Variants in PDLIM3 observed in about 807,000 individuals in gnomAD.
PDLIM3 encodes the protein PDZ and LIM domain protein 3.
PDLIM3 carries 36 observed loss-of-function variants against 37.3 expected under a neutral mutation model. The ratio of observed to expected loss-of-function variants is 0.97; its 90% CI spans 0.74 to 1.28. PDLIM3 has a LOEUF of 1.28. PDLIM3 is among the 50% of genes most tolerant of loss of function. The pLI, the probability that PDLIM3 is intolerant of heterozygous loss-of-function variation, is 0.00. For synonymous variants in PDLIM3, 174 were observed against 182.4 expected (o/e 0.95, Z 0.37); for missense variants, 454 against 485.0 (o/e 0.94, Z 0.60).
chr4:185,512,820 T>C, intron 4 of PDLIM3: 1 of 985,092 alleles, frequency 1.0e-6, no homozygotes, highest in African/African-American at 1.7e-5. Context: ...AAATCCAGTG[T>C]TTTGTTATTG....
intron 1 of PDLIM3, among the ~76,000 whole-genome samples, chr4:185,534,394 C>T (rs904062889): frequency 1.3e-5 from 2 of 152,032 alleles, no homozygotes; most frequent in African/African-American, 4.8e-5. Flanking sequence ...TGGAAGTTTA[C>T]GCCTTTAGGT....
At chr4:185,525,653 T>C (rs2095732563) in intron 1 of PDLIM3, among the ~76,000 whole-genome samples, 1 of 152,166 alleles carries the variant, frequency 6.6e-6, no homozygotes, top group Admixed American at 6.5e-5. Flanking sequence ...ACTCAAATGT[T>C]GAAATCCTAA....
intron 4 of PDLIM3, among the ~76,000 whole-genome samples, chr4:185,508,930 C>T (rs2095702441): frequency 6.6e-6 from 1 of 152,190 alleles, no homozygotes; most frequent in Non-Finnish European, 1.5e-5. Flanking sequence ...TAAAACTGGT[C>T]AATATCACAA....
At chr4:185,525,254 G>T in intron 1 of PDLIM3, 83 bp from the exon 2 acceptor site, 1 of 1,363,548 alleles carries the variant, frequency 7.3e-7, no homozygotes, top group Admixed American at 1.7e-5. Flanking sequence ...TTTCAGCCTG[G>T]TAACATTTTA....
chr4:185,513,139 G>A, intron 4 of PDLIM3: 1 of 983,510 alleles, frequency 1.0e-6, no homozygotes, highest in Non-Finnish European at 1.2e-6. Flanking sequence ...GAGCCAGTCA[G>A]ACCAGGCCCC....
intron 3 of PDLIM3, among the ~76,000 whole-genome samples, chr4:185,519,566 C>T (rs1351747832): frequency 1.3e-5 from 2 of 152,136 alleles, no homozygotes; most frequent in African/African-American, 4.8e-5. Context: ...GGACTACAGG[C>T]GTGAGCCACC....
chr4:185,502,470 T>C lies in PDLIM3; in HGVS notation c.919A>G (p.Lys307Glu). ...GGGTGCCGGTACTTATCCCGCGCCT[T>C]CACCACAGCACCGCTGTTGGGGAAG... Reference protein sequence around the residue: ...CGSGIVGAVVKARDKYRHPEC... With the variant: ...CGSGIVGAVVEARDKYRHPEC... The change falls in exon 8 of 8, where the codon AAG becomes GAG. Residue 307 changes from lysine to glutamate, a missense_variant. Physicochemically the swap from Lys to Glu is moderately conservative, Grantham distance 56. Coordinates refer to ENST00000284767, the MANE Select transcript of PDLIM3 (RefSeq NM_014476.6). 1 of 1,614,102 alleles carries C rather than the reference T, an allele frequency of 6.2e-7. No homozygotes were observed. The highest frequency in any genetic ancestry group is 1.1e-5 in the South Asian group (1 of 91,074).
In PDLIM3 at chr4:185,502,254, C is replaced by CGTGG. The variant is rs746822252; in HGVS notation, c.*36_*39dup. 1.5e-5 allele frequency: 24 copies of CGTGG among 1,593,478 alleles called. No individual in the cohort carries two copies. Among genetic ancestry groups the CGTGG allele is most frequent in the South Asian group, 4.4e-5 (4 of 90,678 alleles). On this transcript the variant is annotated 3_prime_UTR_variant, in exon 8 of 8. Transcript: ENST00000284767. ...ATGAATGTCTTCTCGTGTAAGTGCG[C>CGTGG]GTGGGTGGGTGCGTGCGTGCGTGCC...
Position 185,501,155 on chromosome 4 carries a change from G to A in PDLIM3, c.*1139C>T, listed in dbSNP as rs1003269942. The stretch of plus-strand genomic sequence containing the variant: ...CCTGCAAGGTAGGCTGCCTGCGCCA[G>A]GGCCAGGCAGAGTGCATGTCTCAGA... On this transcript the variant is annotated 3_prime_UTR_variant, in exon 8 of 8. Coordinates refer to ENST00000284767, the MANE Select transcript of PDLIM3 (RefSeq NM_014476.6). 8 of 152,300 alleles carry A rather than the reference G, an allele frequency of 5.3e-5. No homozygotes were observed. The highest frequency in any genetic ancestry group is 1.9e-4 in the African/African-American group (8 of 41,456). 9.4% of individuals were successfully genotyped at this position (152,300 alleles called of 1,614,324 possible).
chr4:185,519,880 T>C (rs778545293), intron 3 of PDLIM3, among the ~76,000 whole-genome samples: 2 of 152,230 alleles, frequency 1.3e-5, no homozygotes, highest in Non-Finnish European at 2.9e-5. Context: ...TTGCTATTCA[T>C]CTGCAATGAC....
intron 1 of PDLIM3, among the ~76,000 whole-genome samples, chr4:185,525,861 C>A (rs1294789408): frequency 6.6e-6 from 1 of 152,190 alleles, no homozygotes; most frequent in Admixed American, 6.5e-5. Context: ...AGAACCCAAC[C>A]ATGCTGGTAT....
Position 185,504,499 on chromosome 4 carries a change from C to T in PDLIM3, c.881G>A (p.Cys294Tyr). ...GSGGAQRMPL[C>Y]DKCGSGIVGA... ...CACTATGCCACTCCCACATTTGTCA[C>T]AGAGCGGCATCCTCTGTGCCCCGCC... The change falls in exon 7 of 8, where the codon TGT (cysteine) becomes TAT (tyrosine). Residue 294 changes from cysteine (C) to tyrosine (Y), a missense_variant. Coordinates refer to ENST00000284767, the MANE Select transcript of PDLIM3 (RefSeq NM_014476.6). This position sits in a 1 kb window ranked among gnomAD's most constrained non-coding sequence, Gnocchi z 4.7. 1 of 1,613,956 alleles carries T rather than the reference C, an allele frequency of 6.2e-7. No individual in the cohort carries two copies. The highest frequency in any genetic ancestry group is 8.5e-7 in the Non-Finnish European group (1 of 1,179,790).
chr4:185,517,956 TAATTC>T (rs987530996), intron 3 of PDLIM3, among the ~76,000 whole-genome samples: 2 of 152,236 alleles, frequency 1.3e-5, no homozygotes, highest in African/African-American at 4.8e-5. Context: ...TGTTCCACTT[TAATTC>T]ATTTTTATTT....
chr4:185,515,149 CTCT>C (rs1561196513), intron 3 of PDLIM3: 3 of 260,490 alleles, frequency 1.2e-5, no homozygotes, highest in African/African-American at 6.7e-5. Flanking sequence ...AACATTGCAC[CTCT>C]TATCTGCCCC....
In PDLIM3 at chr4:185,523,341, CAT is replaced by C; in HGVS notation, c.330+19_330+20del. On this transcript the variant is annotated intron_variant, in intron 3 of 7. Transcript: ENST00000284767. The stretch of plus-strand genomic sequence containing the variant: ...ATTTAAAAGGAAATACAATGTGTAT[CAT>C]TTGCTCTAAAACGCATACCTGTGGT... The C allele has an allele frequency of 6.6e-7, 1 of 1,513,718 alleles. No individual in the cohort carries two copies. Among genetic ancestry groups the C allele is most frequent in the Non-Finnish European group, 9.2e-7 (1 of 1,088,956 alleles). 93.8% of individuals were successfully genotyped at this position (1,513,718 alleles called of 1,614,324 possible).
chr4:185,515,284 A>C (rs2095713252), intron 3 of PDLIM3: 3 of 154,356 alleles, frequency 1.9e-5, no homozygotes, highest in African/African-American at 4.8e-5. Flanking sequence ...TAGAATTTAC[A>C]TATGGTTTCT....
chr4:185,527,079 C>T (rs1425776116), intron 1 of PDLIM3, among the ~76,000 whole-genome samples: 1 of 152,086 alleles, frequency 6.6e-6, no homozygotes, highest in African/African-American at 2.4e-5. Context: ...ACAGTGTATA[C>T]CCCAGTATTT....
At position 185,523,419 on chromosome 4, in the gene PDLIM3, T is replaced by C. The variant is rs777908111; in HGVS notation, c.273A>G (p.Gln91=). The part of the protein sequence containing the change: ...DRGETHLWSP[Q]VSEDGKAHPF... ...GATGGGCTTTCCCATCTTCAGATAC[T>C]TGTGGAGACCATAAGTGAGTTTCTC... The change falls in exon 3 of 8, where the codon CAA becomes CAG. Residue 91 remains glutamine (Q), a synonymous_variant. Transcript: ENST00000284767. 10 of 1,610,748 alleles carry C rather than the reference T, an allele frequency of 6.2e-6. No homozygotes were observed. Among genetic ancestry groups the C allele is most frequent in the Non-Finnish European group, 7.6e-6 (9 of 1,177,046 alleles).
At chr4:185,523,883 G>T (rs549112787) in intron 2 of PDLIM3, among the ~76,000 whole-genome samples, 1 of 151,760 alleles carries the variant, frequency 6.6e-6, no homozygotes, top group Non-Finnish European at 1.5e-5. Context: ...CTCCCAAAGC[G>T]CTAGGATTAC....
Sources: gnomAD v4.1 joint callset for allele counts (sites outside exome capture counted in the v4.1 genomes callset) on GRCh38, gnomAD v4.1.1 for gene constraint, Gnocchi (gnomAD v3.1) non-coding constraint, MANE v1.5 for transcripts, NCBI Gene and HGNC (gene_info 2026-07-23, HGNC 2026-07-21) for gene names.